Variants in ADARB2 observed in about 807,000 individuals in gnomAD.
ADARB2 encodes adenosine deaminase RNA specific B2 (inactive).
ADARB2 carries 25 observed loss-of-function variants against 62.2 expected under a neutral mutation model. That is an observed-to-expected ratio of 0.40 (90% confidence interval 0.29 to 0.56). ADARB2 has a LOEUF of 0.56. Among genes scored for constraint, ADARB2 ranks in the 20% least tolerant of loss-of-function variants. The pLI, the probability that ADARB2 is intolerant of heterozygous loss-of-function variation, is 0.43. For synonymous variants in ADARB2, 572 were observed against 500.8 expected, an observed-to-expected ratio of 1.14 and a Z score of -1.90; for missense variants, 1,071 against 1,077.4, an observed-to-expected ratio of 0.99 and a Z score of 0.08.
chr10:1,668,081 G>A (rs1331801222), intron 1 of ADARB2, among the ~76,000 whole-genome samples: 3 of 152,140 alleles, frequency 2.0e-5, no homozygotes, highest in African/African-American at 4.8e-5. Flanking sequence ...TGGGCTGGAC[G>A]CTCACCCTCA....
chr10:1,485,009 G>C (rs1343936983), intron 1 of ADARB2, among the ~76,000 whole-genome samples: 3 of 152,118 alleles, frequency 2.0e-5, no homozygotes, highest in Non-Finnish European at 4.4e-5. Context: ...TATGTATACA[G>C]GTACATATAT....
chr10:1,185,635 G>A (rs972962998), intron 8 of ADARB2, among the ~76,000 whole-genome samples: 3 of 152,200 alleles, frequency 2.0e-5, no homozygotes, highest in Non-Finnish European at 2.9e-5. Flanking sequence ...CCTTTTGTTC[G>A]AAAGTTACGA....
chr10:1,451,832 C>T (rs953013393), intron 1 of ADARB2, among the ~76,000 whole-genome samples: 1 of 151,644 alleles, frequency 6.6e-6, no homozygotes, highest in African/African-American at 2.4e-5. Context: ...GTGCCAGGGC[C>T]CCATGGACAT....
chr10:1,436,711 T>C (rs904348843), intron 1 of ADARB2, among the ~76,000 whole-genome samples: 3 of 152,240 alleles, frequency 2.0e-5, no homozygotes, highest in African/African-American at 4.8e-5. Flanking sequence ...AAGTTTTACA[T>C]TTTTGCTTTA....
Position 1,320,804 on chromosome 10 carries a change from G to A in ADARB2, c.1077+42224C>T, listed in dbSNP as rs545834682. On this transcript the variant is annotated intron_variant, in intron 3 of 9. Coordinates refer to ENST00000381312, the MANE Select transcript of ADARB2 (RefSeq NM_018702.4). ...TAAGAAAAAAATATTAGAATACAAT[G>A]GGCCGGCAGGCAAATGATAAAATGC... is the stretch of plus-strand genomic sequence containing the variant. Among the ~76,000 whole-genome samples, 11 of 152,306 alleles carry A rather than the reference G, an allele frequency of 7.2e-5. No individual in the cohort carries two copies. The South Asian group carries it at 2.3e-3, about 32-fold the overall frequency.
At chr10:1,540,312 ACT>A (rs1254631878) in intron 1 of ADARB2, among the ~76,000 whole-genome samples, 1 of 150,564 alleles carries the variant, frequency 6.6e-6, no homozygotes, top group Non-Finnish European at 1.5e-5. Context: ...ATGAAAATAA[ACT>A]CAGTCTATGC....
At chr10:1,410,636 C>G (rs1452345065) in intron 1 of ADARB2, among the ~76,000 whole-genome samples, 1 of 152,168 alleles carries the variant, frequency 6.6e-6, no homozygotes, top group African/African-American at 2.4e-5. Context: ...GATGGTGTAG[C>G]ATCTGCTCCA....
intron 1 of ADARB2, among the ~76,000 whole-genome samples, chr10:1,612,298 C>G (rs951454600): frequency 6.6e-6 from 1 of 152,196 alleles, no homozygotes; most frequent in South Asian, 2.1e-4. Flanking sequence ...AAATAGAACA[C>G]GGGAAGCCAG....
intron 3 of ADARB2, among the ~76,000 whole-genome samples, chr10:1,328,973 G>A (rs897461158): frequency 7.7e-5 from 11 of 143,476 alleles, no homozygotes; most frequent in Admixed American, 2.8e-4. Context: ...CTCCAGCTGG[G>A]GTGACAGAAC....
intron 3 of ADARB2, among the ~76,000 whole-genome samples, chr10:1,314,788 C>T (rs1831722856): frequency 6.6e-6 from 1 of 152,194 alleles, no homozygotes; most frequent in Non-Finnish European, 1.5e-5. Context: ...CTGAAAGCTT[C>T]AGCGGCTCTC....
chr10:1,680,113 TCATA>T (rs1310052691), intron 1 of ADARB2, among the ~76,000 whole-genome samples: 2 of 151,966 alleles, frequency 1.3e-5, no homozygotes, highest in Non-Finnish European at 2.9e-5. Context: ...AACCCGCCAC[TCATA>T]CAAACTGCCC....
intron 1 of ADARB2, among the ~76,000 whole-genome samples, chr10:1,420,888 G>A (rs917292180): frequency 2.6e-5 from 4 of 152,136 alleles, no homozygotes. Flanking sequence ...CACACACCCC[G>A]GAGCAAACCG....
chr10:1,707,898 G>A (rs980819043), intron 1 of ADARB2, among the ~76,000 whole-genome samples: 3 of 152,172 alleles, frequency 2.0e-5, no homozygotes, highest in Admixed American at 2.0e-4. Flanking sequence ...CTGGTCAGTG[G>A]GAGAGGTTGC....
chr10:1,487,704 C>T (rs1406292192), intron 1 of ADARB2, among the ~76,000 whole-genome samples: 2 of 152,150 alleles, frequency 1.3e-5, no homozygotes, highest in Non-Finnish European at 2.9e-5. Flanking sequence ...TTAGGTATTA[C>T]AAAATGTGCA....
intron 1 of ADARB2, among the ~76,000 whole-genome samples, chr10:1,507,327 G>T (rs1040633315): frequency 2.0e-5 from 3 of 152,210 alleles, no homozygotes; most frequent in Non-Finnish European, 2.9e-5. Flanking sequence ...AGTCAGGAGG[G>T]AGCAAGACCA....
chr10:1,299,196 G>T (rs958620879), intron 3 of ADARB2, among the ~76,000 whole-genome samples: 8 of 152,014 alleles, frequency 5.3e-5, no homozygotes, highest in Non-Finnish European at 1.0e-4. Context: ...CAGCTAATCT[G>T]GGGAGTCACG....
intron 1 of ADARB2, among the ~76,000 whole-genome samples, chr10:1,525,946 GGTGT>G (rs747995591): frequency 2.0e-4 from 30 of 151,854 alleles, no homozygotes; most frequent in Non-Finnish European, 3.2e-4. Context: ...AGCACGTATG[GGTGT>G]GTGTGCGTGT....
intron 1 of ADARB2, among the ~76,000 whole-genome samples, chr10:1,450,077 T>C (rs1831018596): frequency 1.3e-5 from 2 of 152,152 alleles, no homozygotes; most frequent in Admixed American, 6.5e-5. Context: ...CACCCTGCCC[T>C]CCTGGGAAGA....
rs566838000 is a variant in ADARB2, at chr10:1,363,050, G to C, written c.1055C>G (p.Ala352Gly). 4 of 1,428,910 alleles carry C rather than the reference G, an allele frequency of 2.8e-6. No homozygotes were observed. In the East Asian group the frequency reaches 8.3e-5, roughly 30 times the overall value. 88.5% of individuals were successfully genotyped at this position (1,428,910 alleles called of 1,614,324 possible). A position where few individuals can be genotyped will look rare whatever the true frequency, so the allele number is the denominator to read the frequency against. Reference sequence around the variant, plus strand: ...CACCTGCGGCATTGGCGTCCTCCTGGCCCTGCCGGGCGCGTGGCCGGGCAT... The same window carrying C: ...CACCTGCGGCATTGGCGTCCTCCTGCCCCTGCCGGGCGCGTGGCCGGGCAT... Reference protein sequence around the residue: ...IQMPGHAPGRARRTPMPQEFA... With the variant: ...IQMPGHAPGRGRRTPMPQEFA... Residue 352 changes from alanine to glycine, a missense_variant, in exon 3 of 10, where the codon GCC (alanine) becomes GGC (glycine). Physicochemically the swap from Ala to Gly is moderately conservative, Grantham distance 60. Coordinates refer to ENST00000381312, the MANE Select transcript of ADARB2 (RefSeq NM_018702.4).
Sources: gnomAD v4.1 joint callset for allele counts (sites outside exome capture counted in the v4.1 genomes callset) on GRCh38, gnomAD v4.1.1 for gene constraint, MANE v1.5 for transcripts, NCBI Gene and HGNC (gene_info 2026-07-23, HGNC 2026-07-21) for gene names.